Variants in GLRA2 observed in about 807,000 individuals in gnomAD.
GLRA2 encodes glycine receptor alpha 2.
GLRA2 carries 11 observed loss-of-function variants against 31.6 expected under a neutral mutation model. The observed-to-expected ratio is 0.35, with a 90% CI of 0.22 to 0.58. GLRA2 has a LOEUF of 0.58. Ranked by LOEUF, GLRA2 falls within the 20% of genes least tolerant of loss-of-function variation. The pLI, the probability that GLRA2 is intolerant of heterozygous loss-of-function variation, is 0.84. For synonymous variants in GLRA2, 132 were observed against 134.0 expected, an observed-to-expected ratio of 0.99 and a Z score of 0.10; for missense variants, 212 against 351.8, an observed-to-expected ratio of 0.60 and a Z score of 3.18.
At chrX:14,653,756 C>T (rs996536020) in intron 7 of GLRA2, among the ~76,000 whole-genome samples, 2 of 112,334 alleles carry the variant, frequency 1.8e-5, no homozygotes, top group Non-Finnish European at 1.9e-5. Flanking sequence ...TATCAAACAG[C>T]ATCACATGAT....
chrX:14,719,311 G>C (rs1425482305), intron 8 of GLRA2, among the ~76,000 whole-genome samples: 2 of 111,043 alleles, frequency 1.8e-5, no homozygotes, highest in African/African-American at 6.5e-5. Flanking sequence ...ATCCAATAAG[G>C]GATCAATATC....
At chrX:14,508,098 C>G in the GLRA2 span, among the ~76,000 whole-genome samples, 1 of 111,631 alleles carries the variant, frequency 9.0e-6, no homozygotes, top group Admixed American at 9.5e-5. Flanking sequence ...TGTGAAGGAC[C>G]TCTTTCTCTT....
At chrX:14,467,693 G>A in the GLRA2 span, among the ~76,000 whole-genome samples, 12 of 110,996 alleles carry the variant, frequency 1.1e-4, no homozygotes, top group Non-Finnish European at 2.3e-4. Flanking sequence ...TAAAACTAGT[G>A]GGAATAGCTG....
intron 7 of GLRA2, among the ~76,000 whole-genome samples, chrX:14,642,619 A>G (rs1021106450): frequency 1.8e-5 from 2 of 110,482 alleles, no homozygotes. Context: ...ACAATACATC[A>G]TGTTATAGCT....
At chrX:14,520,484 G>T in the GLRA2 span, among the ~76,000 whole-genome samples, 1 of 112,565 alleles carries the variant, frequency 8.9e-6, no homozygotes, top group Non-Finnish European at 1.9e-5. Flanking sequence ...GCAATCACTT[G>T]CCATGAATCA....
At chrX:14,694,358 C>T (rs1216897491) in intron 8 of GLRA2, among the ~76,000 whole-genome samples, 1 of 111,803 alleles carries the variant, frequency 8.9e-6, no homozygotes, top group African/African-American at 3.2e-5. Flanking sequence ...TGAGCACCTA[C>T]TATGCTTAAA....
At chrX:14,619,100 G>C (rs1458443654) in intron 7 of GLRA2, among the ~76,000 whole-genome samples, 3 of 111,125 alleles carry the variant, frequency 2.7e-5, no homozygotes, top group Middle Eastern at 4.6e-3. Flanking sequence ...GGAATAACTA[G>C]CAGGATTATG....
At chrX:14,578,408 C>T (rs1369688679) in intron 3 of GLRA2, among the ~76,000 whole-genome samples, 3 of 111,933 alleles carry the variant, frequency 2.7e-5, no homozygotes, top group East Asian at 5.6e-4. Context: ...ATTTGTGTTA[C>T]TCTAAGGAGT....
Position 14,579,858 on chromosome X carries a change from AATGT to A in GLRA2, c.271-1322_271-1319del, listed in dbSNP as rs1487606216. Among the ~76,000 whole-genome samples, 8 of 112,486 alleles carry A rather than the reference AATGT, an allele frequency of 7.1e-5. No individual in the cohort carries two copies. The East Asian group carries it at 2.2e-3, about 31-fold the overall frequency. ...CTCTATGAACTTGATCATCAGGATG[AATGT>A]ATTTGAAAATAAGTCATGGGAATTT... On this transcript the variant is annotated intron_variant, in intron 3 of 8. Transcript: ENST00000218075.
intron 7 of GLRA2, among the ~76,000 whole-genome samples, chrX:14,682,275 T>C (rs1368188571): frequency 9.0e-6 from 1 of 110,620 alleles, no homozygotes; most frequent in Non-Finnish European, 1.9e-5. Flanking sequence ...AAGAATAATA[T>C]GTTTAAAAGA....
chrX:14,529,478 T>G (rs1333429791), upstream of GLRA2: 1 of 110,712 alleles, frequency 9.0e-6, no homozygotes, highest in East Asian at 2.9e-4. Context: ...CATGCGCACT[T>G]CAGAGCTTGG....
intron 7 of GLRA2, among the ~76,000 whole-genome samples, chrX:14,683,767 C>T (rs1013262723): frequency 2.7e-5 from 3 of 110,736 alleles, no homozygotes; most frequent in African/African-American, 9.9e-5. Context: ...CTACATATGG[C>T]TAGCCAATTT....
chrX:14,631,881 GACAT>G (rs2090651021), intron 7 of GLRA2, among the ~76,000 whole-genome samples: 1 of 97,562 alleles, frequency 1.0e-5, no homozygotes. Context: ...GACATATATA[GACAT>G]ACATATGTAT....
At chrX:14,534,848 A>G (rs1426009472) in intron 2 of GLRA2, among the ~76,000 whole-genome samples, 1 of 110,477 alleles carries the variant, frequency 9.1e-6, no homozygotes, top group Non-Finnish European at 1.9e-5. Context: ...ATCTTAGCTG[A>G]GGTGAAGAGA....
the GLRA2 span, among the ~76,000 whole-genome samples, chrX:14,470,536 A>G: frequency 3.6e-5 from 4 of 111,720 alleles, no homozygotes; most frequent in Non-Finnish European, 7.5e-5. Flanking sequence ...TTCATTTTAT[A>G]GATTCATCAC....
At chrX:14,684,381 G>A (rs2091251001) in intron 7 of GLRA2, among the ~76,000 whole-genome samples, 1 of 111,534 alleles carries the variant, frequency 9.0e-6, no homozygotes, top group Admixed American at 9.6e-5. Flanking sequence ...ATTGGGGATG[G>A]CATTGAATCT....
intron 4 of GLRA2, among the ~76,000 whole-genome samples, chrX:14,588,558 A>G (rs2090107279): frequency 9.0e-6 from 1 of 111,092 alleles, no homozygotes; most frequent in Non-Finnish European, 1.9e-5. Flanking sequence ...TGCTTTGGTT[A>G]TCTGGGCTGT....
chrX:14,705,717 A>C (rs1047345936), intron 8 of GLRA2, among the ~76,000 whole-genome samples: 5 of 112,324 alleles, frequency 4.5e-5, no homozygotes, highest in African/African-American at 1.6e-4. Context: ...CTCTACATAA[A>C]GTTCTTTTTA....
At chrX:14,473,779 C>A in the GLRA2 span, among the ~76,000 whole-genome samples, 2 of 111,782 alleles carry the variant, frequency 1.8e-5, no homozygotes, top group Non-Finnish European at 3.8e-5. Flanking sequence ...TGATCAATTG[C>A]AGGTATTTGT....
Sources: gnomAD v4.1 joint callset for allele counts (sites outside exome capture counted in the v4.1 genomes callset) on GRCh38, gnomAD v4.1.1 for gene constraint, MANE v1.5 for transcripts, NCBI Gene and HGNC (gene_info 2026-07-23, HGNC 2026-07-21) for gene names.